Variants in LRRC8C observed in about 807,000 individuals in gnomAD.
LRRC8C encodes leucine rich repeat containing 8 VRAC subunit C.
In LRRC8C, 20 loss-of-function variants were observed where a neutral mutation model predicts 55.3. The observed-to-expected ratio is 0.36, with a 90% CI of 0.25 to 0.53. The LOEUF (loss-of-function observed/expected upper bound fraction) is 0.53, where lower values mean the gene tolerates loss of function less well. Among genes scored for constraint, LRRC8C ranks in the 20% least tolerant of loss-of-function variants. The pLI, the probability that LRRC8C is intolerant of heterozygous loss-of-function variation, is 0.92. For synonymous variants in LRRC8C, 376 were observed against 360.7 expected, an observed-to-expected ratio of 1.04 and a Z score of -0.48; for missense variants, 659 against 951.4, an observed-to-expected ratio of 0.69 and a Z score of 4.04.
chr1:89,643,937 G>A (rs968599811), intron 1 of LRRC8C, among the ~76,000 whole-genome samples: 4 of 152,168 alleles, frequency 2.6e-5, no homozygotes, highest in Non-Finnish European at 2.9e-5. Context: ...CCAATAATCA[G>A]AGGTGTTTAA....
At chr1:89,652,253 A>T (rs559326852) in intron 1 of LRRC8C, among the ~76,000 whole-genome samples, 1 of 152,290 alleles carries the variant, frequency 6.6e-6, no homozygotes, top group South Asian at 2.1e-4. Flanking sequence ...AACAGGATCT[A>T]TGTGGGAAAG....
chr1:89,697,987 A>G (rs752178742), intron 2 of LRRC8C, among the ~76,000 whole-genome samples: 3 of 152,204 alleles, frequency 2.0e-5, no homozygotes, highest in Admixed American at 6.5e-5. Flanking sequence ...TAGTATGTCA[A>G]TATTTACAGT....
intron 1 of LRRC8C, among the ~76,000 whole-genome samples, chr1:89,655,171 G>GT (rs1037339909): frequency 6.6e-6 from 1 of 151,098 alleles, no homozygotes; most frequent in Admixed American, 6.6e-5. Context: ...TTCCCCGTCT[G>GT]TTTTTTTTCT....
intron 1 of LRRC8C, among the ~76,000 whole-genome samples, chr1:89,660,834 G>A (rs17494625): frequency 0.045 from 6,873 of 152,138 alleles, 255 homozygotes; most frequent in Admixed American, 0.11. Flanking sequence ...CTCAGATTTC[G>A]TCCTGTAACC....
intron 2 of LRRC8C, among the ~76,000 whole-genome samples, chr1:89,696,939 G>A (rs957384337): frequency 6.6e-6 from 1 of 152,022 alleles, no homozygotes; most frequent in Non-Finnish European, 1.5e-5. Context: ...GAAATGTGTG[G>A]AACCTGTCTT....
chr1:89,691,324 A>G lies in LRRC8C; in HGVS notation c.138+4713A>G, dbSNP rs141355628. Among the ~76,000 whole-genome samples the G allele has an allele frequency of 3.2e-3, 486 of 152,290 alleles. 4 individuals carry two copies. The highest frequency in any genetic ancestry group is 0.01 in the Middle Eastern group (3 of 294). Reference sequence around the variant, plus strand: ...AAGAATGAATATACAAAACCAAAATATATATTTTAATAAGACGCATGAAGG... The same window carrying G: ...AAGAATGAATATACAAAACCAAAATGTATATTTTAATAAGACGCATGAAGG... On this transcript the variant is annotated intron_variant, in intron 2 of 2. Coordinates refer to ENST00000370454, the MANE Select transcript of LRRC8C (RefSeq NM_032270.5).
chr1:89,710,852 A>G (rs184752504), intron 2 of LRRC8C, among the ~76,000 whole-genome samples: 60 of 152,352 alleles, frequency 3.9e-4, no homozygotes, highest in Admixed American at 2.1e-3. Context: ...AATCCTAGAC[A>G]TTCAGGAAAA....
chr1:89,646,529 T>C (rs1333053066), intron 1 of LRRC8C, among the ~76,000 whole-genome samples: 1 of 152,126 alleles, frequency 6.6e-6, no homozygotes, highest in African/African-American at 2.4e-5. Context: ...ATATGGTTTT[T>C]CTCCTTTATT....
At chr1:89,693,007 C>T (rs541244970) in intron 2 of LRRC8C, among the ~76,000 whole-genome samples, 1 of 152,284 alleles carries the variant, frequency 6.6e-6, no homozygotes, top group South Asian at 2.1e-4. Flanking sequence ...CTGGAAGATG[C>T]AAGCCCCCTG....
the LRRC8C span, among the ~76,000 whole-genome samples, chr1:89,620,374 G>A: frequency 2.0e-5 from 3 of 152,170 alleles, no homozygotes; most frequent in East Asian, 5.8e-4. Flanking sequence ...AAAACTTTAT[G>A]AAGATAGAAT....
At chr1:89,693,074 C>T (rs112262531) in intron 2 of LRRC8C, among the ~76,000 whole-genome samples, 2,552 of 152,194 alleles carry the variant, frequency 0.017, 71 homozygotes, top group African/African-American at 0.058. Flanking sequence ...TTCCTGCTTT[C>T]TGAATTTGGA....
chr1:89,620,380 A>G, the LRRC8C span, among the ~76,000 whole-genome samples: 55 of 152,344 alleles, frequency 3.6e-4, no homozygotes, highest in African/African-American at 1.3e-3. Flanking sequence ...TTATGAAGAT[A>G]GAATTTGAAG....
At chr1:89,618,229 G>A in the LRRC8C span, among the ~76,000 whole-genome samples, 10 of 152,122 alleles carry the variant, frequency 6.6e-5, no homozygotes, top group South Asian at 2.1e-4. Context: ...GGTCAGACAC[G>A]TCATTTGCAT....
chr1:89,636,327 T>G (rs933515289), intron 1 of LRRC8C, among the ~76,000 whole-genome samples: 3 of 152,208 alleles, frequency 2.0e-5, no homozygotes, highest in Admixed American at 6.5e-5. Flanking sequence ...GATTAGTCAT[T>G]GCTATCAGTG....
intron 2 of LRRC8C, among the ~76,000 whole-genome samples, chr1:89,707,052 G>T (rs1378643403): frequency 6.6e-6 from 1 of 151,984 alleles, no homozygotes; most frequent in Non-Finnish European, 1.5e-5. Flanking sequence ...TTTCTCCAAG[G>T]ACTTTAATTG....
rs1293862720 is a variant in LRRC8C, at chr1:89,714,254, G to A, written c.1684G>A (p.Asp562Asn). 6.2e-7 allele frequency: 1 copy of A among 1,614,114 alleles called. No individual in the cohort carries two copies. The highest frequency in any genetic ancestry group is 1.3e-5 in the African/African-American group (1 of 75,050). Residue 562 changes from aspartate to asparagine, a missense_variant, in exon 3 of 3, where the codon GAT becomes AAT. By Grantham distance (23) the Asp-to-Asn change is conservative. This residue lies in a region of LRRC8C where 344 missense variants were observed against 464.6 expected (regional missense o/e 0.74). Transcript: ENST00000370454. The surrounding 1 kb of genome is among the most constrained non-coding windows in gnomAD (Gnocchi z 4.6). ...NVSKIPQAVVDVSSHLQKMCI... is the reference protein window; with the variant it reads ...NVSKIPQAVVNVSSHLQKMCI... ...TTCCAAAATCCCTCAGGCAGTGGTTGATGTTTCCAGCCATCTCCAGAAGAT... is the reference window on the plus strand; with the variant it reads ...TTCCAAAATCCCTCAGGCAGTGGTTAATGTTTCCAGCCATCTCCAGAAGAT...
At chr1:89,633,908 G>A (rs1322076758) in intron 1 of LRRC8C, among the ~76,000 whole-genome samples, 1 of 152,194 alleles carries the variant, frequency 6.6e-6, no homozygotes, top group Non-Finnish European at 1.5e-5. Flanking sequence ...TAGGCCAGCG[G>A]TTGAGGCCAA....
chr1:89,651,306 C>T (rs1001275547), intron 1 of LRRC8C, among the ~76,000 whole-genome samples: 3 of 152,084 alleles, frequency 2.0e-5, no homozygotes, highest in Non-Finnish European at 2.9e-5. Flanking sequence ...TAGTGGCTCA[C>T]GCCTGTAATC....
At chr1:89,643,719 C>T (rs1361573446) in intron 1 of LRRC8C, among the ~76,000 whole-genome samples, 1 of 152,112 alleles carries the variant, frequency 6.6e-6, no homozygotes, top group African/African-American at 2.4e-5. Flanking sequence ...CACAGCTTTT[C>T]CTGTTATTTC....
Sources: gnomAD v4.1 joint callset for allele counts (sites outside exome capture counted in the v4.1 genomes callset) on GRCh38, gnomAD v4.1.1 for gene constraint, gnomAD v4.1.1 regional missense constraint, Gnocchi (gnomAD v3.1) non-coding constraint, MANE v1.5 for transcripts, NCBI Gene and HGNC (gene_info 2026-07-23, HGNC 2026-07-21) for gene names.